NOP9: variants seen among roughly 807,000 people sequenced by gnomAD.
NOP9 encodes nucleolar protein 9.
NOP9 carries 50 observed loss-of-function variants against 63.0 expected under a neutral mutation model. That is an observed-to-expected ratio of 0.79 (90% CI 0.63 to 1.00). NOP9 has a LOEUF of 1.00. NOP9 is among the 50% of genes least tolerant of loss of function. NOP9 has a pLI of 0.00. For missense variants in NOP9, 758 were observed against 803.0 expected, an observed-to-expected ratio of 0.94 and a Z score of 0.68; for synonymous variants, 343 against 332.8, an observed-to-expected ratio of 1.03 and a Z score of -0.33.
intron 5 of NOP9, among the ~76,000 whole-genome samples, chr14:24,302,696 T>A (rs988696469): frequency 3.3e-5 from 5 of 152,232 alleles, no homozygotes; most frequent in African/African-American, 9.6e-5. Flanking sequence ...CTCTGGTACT[T>A]GGCTATAAGC....
chr14:24,289,293 T>C, the NOP9 span, among the ~76,000 whole-genome samples: 14 of 152,260 alleles, frequency 9.2e-5, no homozygotes, highest in East Asian at 2.1e-3. Flanking sequence ...CAGCTAATCT[T>C]TAAAAAATTG....
At chr14:24,290,105 A>G in the NOP9 span, among the ~76,000 whole-genome samples, 1 of 152,266 alleles carries the variant, frequency 6.6e-6, no homozygotes, top group Admixed American at 6.5e-5. Context: ...AGCCTCTTGC[A>G]TAGGCAAGGC....
At position 24,307,413 on chromosome 14, in the gene NOP9, C is replaced by CACAAG. The variant is rs780598693; in HGVS notation, c.*2318_*2319insACAAG. 9.3e-6 allele frequency: 15 copies of CACAAG among 1,613,816 alleles called. No homozygotes were observed. The highest frequency in any genetic ancestry group is 1.3e-5 in the Non-Finnish European group (15 of 1,179,920). On this transcript the variant is annotated 3_prime_UTR_variant, in exon 10 of 10. Transcript: ENST00000267425. ...GGCGGGTGGCAGCTGTCAGGCCTTT[C>CACAAG]CGGATGGTCCGCTTGTGATCACAGA... is the stretch of plus-strand genomic sequence containing the variant.
At chr14:24,304,635 C>CT in intron 9 of NOP9, 37 bp downstream of exon 9, 3 of 1,454,046 alleles carry the variant, frequency 2.1e-6, no homozygotes, top group Non-Finnish European at 1.9e-6. Context: ...TTTCCAGACT[C>CT]TCCCCTCTCT....
Position 24,307,820 on chromosome 14 carries a change from G to C in NOP9, c.*2725G>C, listed in dbSNP as rs776821155. The C allele has an allele frequency of 1.3e-6, 2 of 1,594,784 alleles. No individual in the cohort carries two copies. The highest frequency in any genetic ancestry group is 1.7e-6 in the Non-Finnish European group (2 of 1,170,316). ...TAGAGCGGAGGGTTAGCAGTCACCTGAGTAAGTCACTGGGGTTCAGAGCTG... is the reference window on the plus strand; with the variant it reads ...TAGAGCGGAGGGTTAGCAGTCACCTCAGTAAGTCACTGGGGTTCAGAGCTG... On this transcript the variant is annotated 3_prime_UTR_variant, in exon 10 of 10. Transcript: ENST00000267425.
rs2139113121 is a variant in NOP9 at position 24,300,194 on chromosome 14, A to G, written c.240A>G (p.Glu80=). ...SALKEAPETG[E]ERDLMVHNIM... Reference sequence around the variant, plus strand: ...TGAAAGAGGCTCCCGAGACTGGGGAAGAACGAGGTAGGCAGCAACTTCGGG... The same window carrying G: ...TGAAAGAGGCTCCCGAGACTGGGGAGGAACGAGGTAGGCAGCAACTTCGGG... Residue 80 remains glutamate (E), a synonymous_variant, in exon 1 of 10, where the codon GAA becomes GAG. Coordinates refer to ENST00000267425, the MANE Select transcript of NOP9 (RefSeq NM_174913.3). The G allele has an allele frequency of 6.2e-7, 1 of 1,613,786 alleles. No homozygotes were observed. The highest frequency in any genetic ancestry group is 8.5e-7 in the Non-Finnish European group (1 of 1,179,748).
At chr14:24,298,755 G>GT (rs2041308405), upstream of NOP9, 1 of 673,502 alleles carries the variant, frequency 1.5e-6, no homozygotes, top group African/African-American at 1.8e-5. Context: ...CAAACACAAA[G>GT]TTTTTTCATA....
chr14:24,288,840 G>T, the NOP9 span, among the ~76,000 whole-genome samples: 2 of 152,066 alleles, frequency 1.3e-5, no homozygotes, highest in South Asian at 4.2e-4. Flanking sequence ...GGTGGTTTTT[G>T]TTTGTTTGTT....
chr14:24,271,351 C>G, the NOP9 span: 4 of 437,474 alleles, frequency 9.1e-6, no homozygotes, highest in African/African-American at 8.0e-5. Context: ...GTGGCCCTTC[C>G]TATAGCCCGA....
Position 24,304,212 on chromosome 14 carries a change from G to T in NOP9, c.1582G>T (p.Asp528Tyr), listed in dbSNP as rs189408627. 1 of 1,614,034 alleles carries T rather than the reference G, an allele frequency of 6.2e-7. No individual in the cohort carries two copies. Among genetic ancestry groups the T allele is most frequent in the Non-Finnish European group, 8.5e-7 (1 of 1,180,040 alleles). The change falls in exon 8 of 10, where the codon GAT (aspartate) becomes TAT (tyrosine). Residue 528 changes from aspartate (D) to tyrosine (Y), a missense_variant. Coordinates refer to ENST00000267425, the MANE Select transcript of NOP9 (RefSeq NM_174913.3). ...AAGTCCCGCTGGCTCTCATGTGCTC[G>T]ATGCCATCCTGACCAGCCCCTCTGT... ...AQSPAGSHVL[D>Y]AILTSPSVTR...
the NOP9 span, among the ~76,000 whole-genome samples, chr14:24,286,680 C>T: frequency 6.6e-6 from 1 of 152,044 alleles, no homozygotes; most frequent in Non-Finnish European, 1.5e-5. Context: ...GCAAGCTCTG[C>T]CTCCCAGGTT....
rs1183755156 is a variant in NOP9, at chr14:24,299,884, A to T, written c.-71A>T. On this transcript the variant is annotated 5_prime_UTR_variant, in exon 1 of 10. Transcript: ENST00000267425. ...TCTAAACTTTGTCTGGATAAGGCGC[A>T]CGCTTGGCGACGTCGAAGGTCCGTC... The T allele has an allele frequency of 2.0e-6, 3 of 1,485,848 alleles. No homozygotes were observed. Among genetic ancestry groups the T allele is most frequent in the Non-Finnish European group, 2.7e-6 (3 of 1,121,186 alleles). 92.0% of individuals were successfully genotyped at this position (1,485,848 alleles called of 1,614,324 possible).
chr14:24,297,993 T>C (rs1440522362), upstream of NOP9, among the ~76,000 whole-genome samples: 2 of 152,216 alleles, frequency 1.3e-5, no homozygotes, highest in East Asian at 1.9e-4. Flanking sequence ...TCACATTACA[T>C]TGAAGTGACT....
chr14:24,300,756 G>A lies in NOP9; in HGVS notation c.596G>A (p.Gly199Glu), dbSNP rs76607026. Reference protein sequence around the residue: ...EVCDDFLVYCGDTHGSFVVRT... With the variant: ...EVCDDFLVYCEDTHGSFVVRT... ...TGTGATGATTTTCTTGTCTACTGTG[G>A]AGACACACATGGCAGCTTCGTGGTC... Residue 199 changes from glycine to glutamate, a missense_variant, in exon 2 of 10, where the codon GGA (glycine) becomes GAA (glutamate). By Grantham distance (98) the Gly-to-Glu change is moderately conservative. Coordinates refer to ENST00000267425, the MANE Select transcript of NOP9 (RefSeq NM_174913.3). 1.1e-3 allele frequency: 1,728 copies of A among 1,614,204 alleles called. 19 individuals are homozygous for A. The African/African-American group carries it at 0.016, about 15-fold the overall frequency.
chr14:24,289,484 T>C, the NOP9 span, among the ~76,000 whole-genome samples: 1 of 152,188 alleles, frequency 6.6e-6, no homozygotes, highest in African/African-American at 2.4e-5. Flanking sequence ...AGGCCCATCT[T>C]CTTTTTATAC....
At chr14:24,280,902 CA>C in the NOP9 span, among the ~76,000 whole-genome samples, 3 of 152,086 alleles carry the variant, frequency 2.0e-5, no homozygotes, top group African/African-American at 7.2e-5. Flanking sequence ...GGAGCTTGGT[CA>C]GGGGTGGCTG....
chr14:24,287,105 G>A, the NOP9 span, among the ~76,000 whole-genome samples: 5 of 151,894 alleles, frequency 3.3e-5, no homozygotes, highest in Non-Finnish European at 5.9e-5. Flanking sequence ...GGCCAAGCTG[G>A]TCTTGAATGC....
chr14:24,304,024 T>C lies in NOP9; in HGVS notation c.1411-17T>C. The stretch of plus-strand genomic sequence containing the variant: ...GGCTTGTTGGTGCCTCCTAATTTCT[T>C]ATCTCTGCGCTGCCAGGTGGCAATG... On this transcript the variant is annotated splice_polypyrimidine_tract_variant and intron_variant, in intron 7 of 9. Coordinates refer to ENST00000267425, the MANE Select transcript of NOP9 (RefSeq NM_174913.3). 1 of 1,610,596 alleles carries C rather than the reference T, an allele frequency of 6.2e-7. No individual in the cohort carries two copies. The highest frequency in any genetic ancestry group is 8.5e-7 in the Non-Finnish European group (1 of 1,176,920).
the NOP9 span, among the ~76,000 whole-genome samples, chr14:24,273,309 G>T: frequency 6.6e-6 from 1 of 151,960 alleles, no homozygotes. Context: ...CTCTGGAGTA[G>T]CTGGGACTAC....
Sources: allele counts gnomAD v4.1 joint callset (sites outside exome capture counted in the v4.1 genomes callset), GRCh38; gene constraint gnomAD v4.1.1; transcripts MANE v1.5; gene names NCBI Gene and HGNC (gene_info 2026-07-23, HGNC 2026-07-21).